MGAT4C: variants seen among roughly 807,000 people sequenced by gnomAD.
The protein encoded by MGAT4C is alpha-1,3-mannosyl-glycoprotein 4-beta-N-acetylglucosaminyltransferase C.
Under a neutral mutation model 40.1 loss-of-function variants are expected in MGAT4C, and 19 were observed. The ratio of observed to expected loss-of-function variants is 0.47; its 90% CI spans 0.33 to 0.70. The LOEUF (loss-of-function observed/expected upper bound fraction) is 0.70, where lower values mean the gene tolerates loss of function less well. Ranked by LOEUF, MGAT4C falls within the 30% of genes least tolerant of loss-of-function variation. MGAT4C has a pLI of 0.02. For missense variants in MGAT4C, 491 were observed against 563.2 expected (o/e 0.87, Z 1.30); for synonymous variants, 181 against 187.1 (o/e 0.97, Z 0.27).
intron 1 of MGAT4C, among the ~76,000 whole-genome samples, chr12:86,229,375 T>C (rs1951225233): frequency 6.6e-6 from 1 of 151,912 alleles, no homozygotes; most frequent in Admixed American, 6.6e-5. Context: ...TCAGAAACTG[T>C]AGTTGTGTGT....
chr12:86,125,866 C>T (rs1461471967), intron 1 of MGAT4C, among the ~76,000 whole-genome samples: 1 of 151,816 alleles, frequency 6.6e-6, no homozygotes, highest in Non-Finnish European at 1.5e-5. Flanking sequence ...CTAAAAAAGA[C>T]ATTTTATATG....
At chr12:86,203,829 G>A (rs1177736658) in intron 1 of MGAT4C, among the ~76,000 whole-genome samples, 1 of 151,424 alleles carries the variant, frequency 6.6e-6, no homozygotes, top group East Asian at 2.0e-4. Context: ...TGGTGGTGCA[G>A]GCCTGTAATC....
intron 2 of MGAT4C, among the ~76,000 whole-genome samples, chr12:86,473,301 A>G (rs375532363): frequency 6.6e-6 from 1 of 152,146 alleles, no homozygotes; most frequent in African/African-American, 2.4e-5. Context: ...GAGAGCAATC[A>G]CCAAGAAATC....
chr12:86,343,245 G>A lies in MGAT4C; in HGVS notation c.-119-9118C>T, dbSNP rs75924374. ...ATGTCCAATAAAAAGAGCTGTTCTT[G>A]ACACTGACCCAGTAACTTCAGCTTT... is the stretch of plus-strand genomic sequence containing the variant. On this transcript the variant is annotated intron_variant, in intron 3 of 7. Transcript: ENST00000548651. 2.0e-5 allele frequency among the ~76,000 whole-genome samples: 3 copies of A among 152,250 alleles called. No individual in the cohort carries two copies. The East Asian group carries it at 5.8e-4, about 29-fold the overall frequency.
chr12:86,241,329 C>G (rs1480801183), intron 1 of MGAT4C, among the ~76,000 whole-genome samples: 1 of 152,054 alleles, frequency 6.6e-6, no homozygotes, highest in East Asian at 1.9e-4. Context: ...TTTTCTCATC[C>G]CATCTTTACT....
In MGAT4C at chr12:86,108,410, T is replaced by C. The variant is rs541793836; in HGVS notation, c.-56-58687A>G. On this transcript the variant is annotated intron_variant, in intron 1 of 4. Coordinates refer to ENST00000611864, the MANE Select transcript of MGAT4C (RefSeq NM_001351288.2). ...CTATATTCTAACTCCTTAAGGCTTC[T>C]CTTTTCTTTTTTTTCTTTTTCTAGA... Among the ~76,000 whole-genome samples, 3 of 152,256 alleles carry C rather than the reference T, an allele frequency of 2.0e-5. No individual in the cohort carries two copies. In the South Asian group the frequency reaches 6.2e-4, roughly 32 times the overall value.
chr12:86,462,977 T>C (rs1243241056), intron 2 of MGAT4C, among the ~76,000 whole-genome samples: 9 of 151,514 alleles, frequency 5.9e-5, no homozygotes, highest in Non-Finnish European at 8.8e-5. Context: ...TTTCCATCCT[T>C]CAATCAAGTT....
At chr12:86,374,173 A>G (rs1482315650) in intron 3 of MGAT4C, among the ~76,000 whole-genome samples, 1 of 152,120 alleles carries the variant, frequency 6.6e-6, no homozygotes, top group Non-Finnish European at 1.5e-5. Flanking sequence ...GTTTAGCTGT[A>G]GTGCAAGTAT....
chr12:86,606,681 A>G (rs1040366599), intron 2 of MGAT4C, among the ~76,000 whole-genome samples: 1 of 152,106 alleles, frequency 6.6e-6, no homozygotes. Context: ...CATTTTTAAC[A>G]GTCATTGTCT....
chr12:86,776,257 G>A lies in MGAT4C; in HGVS notation c.-261-49016C>T, dbSNP rs11104080. 6.0e-3 allele frequency among the ~76,000 whole-genome samples: 905 copies of A among 151,946 alleles called. 13 individuals carry two copies. Among genetic ancestry groups the A allele is most frequent in the African/African-American group, 0.021 (866 of 41,498 alleles). The stretch of plus-strand genomic sequence containing the variant: ...AGAGTCTGTTTCAGAGAGCAGAAAT[G>A]GGAATGATAAAAAATAGTTTTGAAT... On this transcript the variant is annotated intron_variant, in intron 1 of 7. Transcript: ENST00000548651.
chr12:86,191,117 AC>A (rs1889378607), intron 1 of MGAT4C, among the ~76,000 whole-genome samples: 1 of 145,316 alleles, frequency 6.9e-6, no homozygotes, highest in East Asian at 2.0e-4. Context: ...ACACACACAC[AC>A]ACACACACAC....
chr12:86,804,734 A>T (rs1248333055), intron 1 of MGAT4C, among the ~76,000 whole-genome samples: 1 of 152,046 alleles, frequency 6.6e-6, no homozygotes, highest in Non-Finnish European at 1.5e-5. Context: ...TAAGCCATCA[A>T]AGAAATTTGC....
At chr12:86,048,727 C>T (rs1449798089) in intron 2 of MGAT4C, among the ~76,000 whole-genome samples, 3 of 151,862 alleles carry the variant, frequency 2.0e-5, no homozygotes, top group African/African-American at 7.2e-5. Context: ...GAGTGGGATA[C>T]ATAATATATC....
chr12:86,273,912 T>C (rs985995612), intron 4 of MGAT4C, among the ~76,000 whole-genome samples: 2 of 152,206 alleles, frequency 1.3e-5, no homozygotes, highest in Non-Finnish European at 2.9e-5. Context: ...TAGACCGTTC[T>C]GGCATTGCTA....
chr12:86,446,654 AAC>A (rs1200229552), intron 2 of MGAT4C, among the ~76,000 whole-genome samples: 1 of 101,198 alleles, frequency 9.9e-6, no homozygotes, highest in East Asian at 2.6e-4. Flanking sequence ...TACATCATGT[AAC>A]TCATATATAT....
intron 3 of MGAT4C, among the ~76,000 whole-genome samples, chr12:86,363,274 C>T (rs923070416): frequency 6.6e-6 from 1 of 151,880 alleles, no homozygotes; most frequent in Admixed American, 6.6e-5. Flanking sequence ...ACATAACAGA[C>T]TTAAATTTAG....
chr12:86,813,045 G>T (rs1425190101), intron 1 of MGAT4C, among the ~76,000 whole-genome samples: 1 of 152,030 alleles, frequency 6.6e-6, no homozygotes, highest in Admixed American at 6.6e-5. Flanking sequence ...GTGGGTATAT[G>T]CAAGACATAT....
intron 3 of MGAT4C, among the ~76,000 whole-genome samples, chr12:86,391,220 AC>A (rs1339384670): frequency 6.6e-6 from 1 of 152,202 alleles, no homozygotes; most frequent in South Asian, 2.1e-4. Flanking sequence ...CTAAAAACAT[AC>A]ATGAATTCAC....
At chr12:86,365,036 G>A (rs549354151) in intron 3 of MGAT4C, among the ~76,000 whole-genome samples, 12 of 152,218 alleles carry the variant, frequency 7.9e-5, no homozygotes, top group African/African-American at 2.9e-4. Context: ...GTCCTAATAC[G>A]CCTGGGAGCA....
Sources: allele counts gnomAD v4.1 joint callset (sites outside exome capture counted in the v4.1 genomes callset), GRCh38; gene constraint gnomAD v4.1.1; transcripts MANE v1.5; gene names NCBI Gene and HGNC (gene_info 2026-07-23, HGNC 2026-07-21).